OLA1: variants seen among roughly 807,000 people sequenced by gnomAD.
OLA1 encodes the protein Obg like ATPase 1.
In OLA1, 14 loss-of-function variants were observed where a neutral mutation model predicts 48.4. The ratio of observed to expected loss-of-function variants is 0.29; its 90% CI spans 0.19 to 0.45. The LOEUF (loss-of-function observed/expected upper bound fraction) is 0.45, where lower values mean the gene tolerates loss of function less well. Ranked by LOEUF, OLA1 falls within the 20% of genes least tolerant of loss-of-function variation. The pLI, the probability that OLA1 is intolerant of heterozygous loss-of-function variation, is 1.00. For synonymous variants in OLA1, 127 were observed against 150.4 expected, an observed-to-expected ratio of 0.84 and a Z score of 1.14; for missense variants, 325 against 467.1, an observed-to-expected ratio of 0.70 and a Z score of 2.80.
chr2:174,243,612 C>G (rs1689056998), intron 2 of OLA1, among the ~76,000 whole-genome samples: 1 of 152,068 alleles, frequency 6.6e-6, no homozygotes, highest in Non-Finnish European at 1.5e-5. Flanking sequence ...AGAAATATAC[C>G]AATAAGCAAG....
At chr2:174,153,416 C>A (rs559765440) in intron 4 of OLA1, among the ~76,000 whole-genome samples, 35 of 152,148 alleles carry the variant, frequency 2.3e-4, no homozygotes, top group African/African-American at 7.2e-4. Flanking sequence ...CGTAGAAAGA[C>A]ATGAAAAACA....
chr2:174,118,564 T>C (rs1685836048), intron 7 of OLA1, among the ~76,000 whole-genome samples: 1 of 152,238 alleles, frequency 6.6e-6, no homozygotes, highest in Non-Finnish European at 1.5e-5. Flanking sequence ...TAAGGAACAC[T>C]TAATTTTTTA....
At chr2:174,230,736 T>C (rs977994713) in intron 2 of OLA1, among the ~76,000 whole-genome samples, 4 of 152,140 alleles carry the variant, frequency 2.6e-5, no homozygotes, top group African/African-American at 9.7e-5. Flanking sequence ...CTTCAACAGG[T>C]CATCTGGGGG....
chr2:174,128,902 T>C (rs1385477722), intron 5 of OLA1, among the ~76,000 whole-genome samples: 2 of 152,162 alleles, frequency 1.3e-5, no homozygotes, highest in African/African-American at 4.8e-5. Flanking sequence ...CAAAATATAC[T>C]GCTAAGTGAG....
intron 2 of OLA1, among the ~76,000 whole-genome samples, chr2:174,235,699 T>C (rs1296887960): frequency 6.6e-6 from 1 of 152,146 alleles, no homozygotes; most frequent in African/African-American, 2.4e-5. Flanking sequence ...CTAGAATTTA[T>C]GGGAGAGTAT....
At position 174,244,492 on chromosome 2, in the gene OLA1, T is replaced by A. The variant is rs1403532686; in HGVS notation, c.101+2223A>T. 2.0e-5 allele frequency among the ~76,000 whole-genome samples: 3 copies of A among 152,192 alleles called. No homozygotes were observed. In the East Asian group the frequency reaches 5.8e-4, roughly 29 times the overall value. The stretch of plus-strand genomic sequence containing the variant: ...TCCCTCCATAGCTGCAGGGGATTGG[T>A]TCTAAGATTCCAGCAGATTGAGTCC... On this transcript the variant is annotated intron_variant, in intron 2 of 10. Transcript: ENST00000284719.
intron 1 of OLA1, 32 bp from the exon 2 acceptor site, chr2:174,246,847 CT>C: frequency 7.4e-7 from 1 of 1,352,362 alleles, no homozygotes; most frequent in Non-Finnish European, 1.1e-6. Flanking sequence ...ATGAACAAAA[CT>C]TTTTACTATC....
At chr2:174,089,012 G>A (rs1194566471) in intron 7 of OLA1, among the ~76,000 whole-genome samples, 1 of 152,118 alleles carries the variant, frequency 6.6e-6, no homozygotes, top group Non-Finnish European at 1.5e-5. Context: ...ACTTTGCTAC[G>A]CAAAGTGTGA....
Position 174,158,730 on chromosome 2 carries a change from A to G in OLA1, c.374-16730T>C, listed in dbSNP as rs558773527. ...CATTAGCTCTTTTGTCTACAGAACT[A>G]TTTTGTCTTTAGAGCAAAAAACAGG... On this transcript the variant is annotated intron_variant, in intron 4 of 10. Transcript: ENST00000284719. Among the ~76,000 whole-genome samples, 198 of 152,282 alleles carry G rather than the reference A, an allele frequency of 1.3e-3. 2 individuals carry two copies. The highest frequency in any genetic ancestry group is 4.0e-3 in the African/African-American group (166 of 41,564).
intron 4 of OLA1, among the ~76,000 whole-genome samples, chr2:174,200,171 C>T (rs907284720): frequency 6.6e-6 from 1 of 151,938 alleles, no homozygotes; most frequent in Admixed American, 6.6e-5. Flanking sequence ...ACGGTAAATA[C>T]TGATTGACAT....
intron 4 of OLA1, among the ~76,000 whole-genome samples, chr2:174,209,667 T>C (rs936122910): frequency 6.6e-6 from 1 of 152,110 alleles, no homozygotes; most frequent in Admixed American, 6.6e-5. Context: ...CAGTAGAAAC[T>C]TGGGCTCTAA....
chr2:174,191,446 C>CT (rs573645071), intron 4 of OLA1, among the ~76,000 whole-genome samples: 75 of 146,204 alleles, frequency 5.1e-4, no homozygotes, highest in South Asian at 1.1e-3. Flanking sequence ...AAATTCTTTT[C>CT]TTTTTTTTTT....
At position 174,226,289 on chromosome 2, in the gene OLA1, CA is replaced by C. The variant is rs200240770; in HGVS notation, c.245+3018del. Reference sequence around the variant, plus strand: ...GGTTTAAACTATTAATACAATATCTCAAAAAATTAAAACTTGAGATTTAATT... The same window carrying C: ...GGTTTAAACTATTAATACAATATCTCAAAAATTAAAACTTGAGATTTAATT... On this transcript the variant is annotated intron_variant, in intron 3 of 10. Transcript: ENST00000284719. 9.9e-3 allele frequency among the ~76,000 whole-genome samples: 1,499 copies of C among 151,594 alleles called. 31 individuals carry two copies. The highest frequency in any genetic ancestry group is 0.035 in the African/African-American group (1,423 of 41,084).
At chr2:174,116,635 C>T (rs1167643787) in intron 7 of OLA1, among the ~76,000 whole-genome samples, 1 of 152,130 alleles carries the variant, frequency 6.6e-6, no homozygotes, top group African/African-American at 2.4e-5. Flanking sequence ...AATTGGGCTG[C>T]AACCTCAGGA....
intron 7 of OLA1, among the ~76,000 whole-genome samples, chr2:174,098,200 A>T (rs1685303866): frequency 6.6e-6 from 1 of 152,240 alleles, no homozygotes; most frequent in Non-Finnish European, 1.5e-5. Flanking sequence ...ACCATGTTAG[A>T]TGAGAAATAA....
In OLA1 at chr2:174,228,729, AT is replaced by A. The variant is rs535334622; in HGVS notation, c.245+578del. Among the ~76,000 whole-genome samples, 344 of 152,288 alleles carry A rather than the reference AT, an allele frequency of 2.3e-3. 2 individuals are homozygous for A. The highest frequency in any genetic ancestry group is 7.6e-3 in the African/African-American group (315 of 41,550). On this transcript the variant is annotated intron_variant, in intron 3 of 10. Coordinates refer to ENST00000284719, the MANE Select transcript of OLA1 (RefSeq NM_013341.5). ...TCATCAGTCTATGATCATTTCATAC[AT>A]TTTTTATGCATATAAACAAACACAT... is the stretch of plus-strand genomic sequence containing the variant.
At chr2:174,171,166 A>T (rs1687292022) in intron 4 of OLA1, among the ~76,000 whole-genome samples, 1 of 152,194 alleles carries the variant, frequency 6.6e-6, no homozygotes, top group South Asian at 2.1e-4. Context: ...GAAATGAACA[A>T]TTCTACAATC....
intron 4 of OLA1, among the ~76,000 whole-genome samples, chr2:174,152,389 T>C (rs1052161263): frequency 6.6e-6 from 1 of 151,788 alleles, no homozygotes; most frequent in African/African-American, 2.4e-5. Context: ...GGTGACAGAG[T>C]AAGACTCCGT....
intron 4 of OLA1, among the ~76,000 whole-genome samples, chr2:174,145,858 T>A (rs1044011464): frequency 1.3e-5 from 2 of 152,230 alleles, no homozygotes; most frequent in Non-Finnish European, 2.9e-5. Context: ...GATGATAGGA[T>A]ATGATACAGT....
Sources: allele counts gnomAD v4.1 joint callset (sites outside exome capture counted in the v4.1 genomes callset), GRCh38; gene constraint gnomAD v4.1.1; transcripts MANE v1.5; gene names NCBI Gene and HGNC (gene_info 2026-07-23, HGNC 2026-07-21).